The following FERRY3 variants were observed in gnomAD, a reference collection of about 807,000 sequenced individuals.
The protein encoded by FERRY3 is FERRY endosomal RAB5 effector complex subunit 3.
the FERRY3 span, among the ~76,000 whole-genome samples, chr12:4,532,813 G>A: frequency 6.6e-6 from 1 of 152,004 alleles, no homozygotes; most frequent in Non-Finnish European, 1.5e-5. Context: ...CTGTCTTGCC[G>A]ATATCCTCAA....
At chr12:4,521,356 A>C in the FERRY3 span, among the ~76,000 whole-genome samples, 1 of 152,164 alleles carries the variant, frequency 6.6e-6, no homozygotes, top group Admixed American at 6.5e-5. Flanking sequence ...AGACAGAGAA[A>C]GACTCTGTCT....
At chr12:4,531,869 T>C in the FERRY3 span, among the ~76,000 whole-genome samples, 3 of 152,176 alleles carry the variant, frequency 2.0e-5, no homozygotes, top group African/African-American at 7.2e-5. Flanking sequence ...TGGAAACCCA[T>C]CCAAGGCACT....
At chr12:4,489,134 A>G in the FERRY3 span, 1 of 152,638 alleles carries the variant, frequency 6.6e-6, no homozygotes, top group South Asian at 2.1e-4. Context: ...GCAAAAAAGA[A>G]CACTATTTCC....
the FERRY3 span, chr12:4,536,003 A>G: frequency 9.2e-6 from 14 of 1,517,628 alleles, no homozygotes; most frequent in Non-Finnish European, 1.2e-5. Context: ...CTTAAAAAAA[A>G]AAACAGTCCT....
At chr12:4,531,173 G>A in the FERRY3 span, among the ~76,000 whole-genome samples, 1 of 152,166 alleles carries the variant, frequency 6.6e-6, no homozygotes, top group Non-Finnish European at 1.5e-5. Context: ...CAAAAGGCAG[G>A]AGACTAGCTG....
the FERRY3 span, among the ~76,000 whole-genome samples, chr12:4,528,915 AC>A: frequency 1.4e-5 from 2 of 139,504 alleles, no homozygotes; most frequent in Non-Finnish European, 3.0e-5. Context: ...ACACACACAC[AC>A]ACACACACAC....
the FERRY3 span, among the ~76,000 whole-genome samples, chr12:4,510,599 T>C: frequency 6.6e-6 from 1 of 151,190 alleles, no homozygotes; most frequent in Non-Finnish European, 1.5e-5. Context: ...TTCAACATTC[T>C]TAAAGAAAAG....
chr12:4,504,643 T>C, the FERRY3 span, among the ~76,000 whole-genome samples: 5 of 152,252 alleles, frequency 3.3e-5, no homozygotes, highest in African/African-American at 9.6e-5. Flanking sequence ...GAGAAGTGTA[T>C]AGTTTATATT....
At chr12:4,506,217 T>C in the FERRY3 span, among the ~76,000 whole-genome samples, 7 of 152,144 alleles carry the variant, frequency 4.6e-5, no homozygotes, top group South Asian at 4.1e-4. Context: ...CTTTAAGAGA[T>C]TGCATATTTA....
chr12:4,517,100 C>A, the FERRY3 span: 3 of 1,593,382 alleles, frequency 1.9e-6, no homozygotes, highest in South Asian at 1.2e-5. Context: ...TGGGTTCTAG[C>A]ATAAAGTACC....
the FERRY3 span, chr12:4,534,136 C>A: frequency 6.5e-7 from 1 of 1,533,066 alleles, no homozygotes; most frequent in Non-Finnish European, 8.8e-7. Flanking sequence ...TTGAAATTTA[C>A]AATCTGACCT....
At chr12:4,522,285 CTAT>C in the FERRY3 span, among the ~76,000 whole-genome samples, 6 of 152,112 alleles carry the variant, frequency 3.9e-5, no homozygotes, top group African/African-American at 1.4e-4. Flanking sequence ...CTGACTGACA[CTAT>C]TAAGAAAATG....
the FERRY3 span, among the ~76,000 whole-genome samples, chr12:4,503,685 G>A: frequency 6.6e-6 from 1 of 152,026 alleles, no homozygotes; most frequent in South Asian, 2.1e-4. Context: ...TTGTAATACA[G>A]AGATAAAGTA....
the FERRY3 span, among the ~76,000 whole-genome samples, chr12:4,514,210 A>G: frequency 1.3e-5 from 2 of 150,682 alleles, no homozygotes; most frequent in African/African-American, 2.5e-5. Flanking sequence ...ATCTCACACC[A>G]GTTAAAATGG....
chr12:4,499,334 G>A, the FERRY3 span, among the ~76,000 whole-genome samples: 1 of 152,140 alleles, frequency 6.6e-6, no homozygotes, highest in Non-Finnish European at 1.5e-5. Flanking sequence ...AAAATAAGCA[G>A]GCACAGAGTT....
chr12:4,512,067 G>A, the FERRY3 span, among the ~76,000 whole-genome samples: 28 of 130,514 alleles, frequency 2.1e-4, no homozygotes, highest in Admixed American at 3.9e-4. Flanking sequence ...TATCACCACC[G>A]ATCCCACAGA....
the FERRY3 span, among the ~76,000 whole-genome samples, chr12:4,497,655 A>C: frequency 2.0e-5 from 3 of 152,250 alleles, no homozygotes; most frequent in African/African-American, 7.2e-5. Context: ...GCAGCTCCTC[A>C]TTCCATAAGA....
At chr12:4,514,366 TACCATTTG>T in the FERRY3 span, among the ~76,000 whole-genome samples, 1 of 151,874 alleles carries the variant, frequency 6.6e-6, no homozygotes, top group Non-Finnish European at 1.5e-5. Context: ...AACTTAGAAA[TACCATTTG>T]ACCCAGCCAT....
the FERRY3 span, among the ~76,000 whole-genome samples, chr12:4,522,220 A>C: frequency 6.6e-6 from 1 of 152,314 alleles, no homozygotes; most frequent in Non-Finnish European, 1.5e-5. Flanking sequence ...TACTTTGAAG[A>C]AATAAAGTCT....
Sources: allele counts gnomAD v4.1 joint callset (sites outside exome capture counted in the v4.1 genomes callset), GRCh38; gene constraint gnomAD v4.1.1; transcripts MANE v1.5; gene names NCBI Gene and HGNC (gene_info 2026-07-23, HGNC 2026-07-21).